The following STAG2 variants were observed in gnomAD, a reference collection of about 807,000 sequenced individuals.
STAG2 encodes the protein STAG2 cohesin complex component.
A neutral mutation model predicts 108.1 loss-of-function variants in STAG2; 14 were observed. The observed-to-expected ratio is 0.13, with a 90% CI of 0.09 to 0.20. The LOEUF (loss-of-function observed/expected upper bound fraction) is 0.20, where lower values mean the gene tolerates loss of function less well. Among genes scored for constraint, STAG2 ranks in the 10% least tolerant of loss-of-function variants. STAG2 has a pLI of 1.00. For synonymous variants in STAG2, 307 were observed against 302.7 expected, an observed-to-expected ratio of 1.01 and a Z score of -0.15; for missense variants, 440 against 940.9, an observed-to-expected ratio of 0.47 and a Z score of 6.96.
Position 124,061,768 on chromosome X carries a change from T to TTTTTGA in STAG2, c.1535-3_1535-2insTTTTGA. The TTTTTGA allele has an allele frequency of 1.1e-6, 1 of 895,483 alleles. No individual in the cohort carries two copies. Among genetic ancestry groups the TTTTTGA allele is most frequent in the Non-Finnish European group, 1.5e-6 (1 of 660,452 alleles). 73.8% of individuals were successfully genotyped at this position (895,483 alleles called of 1,213,427 possible). On this transcript the variant is annotated splice_polypyrimidine_tract_variant and splice_region_variant and intron_variant, in intron 16 of 34. Transcript: ENST00000371145. ...CTTTTTTTTTTTTTTTTTTTTTTTT[T>TTTTTGA]AGCACTAACAGATAGGCAAGAGAGT...
rs367825230 is a variant in STAG2, at chrX:124,047,319, A to T, written c.668-35A>T. Reference sequence around the variant, plus strand: ...AATTGTAAATTTTTGTGTCTGTTAGATTAGTTTCACCATACTTTTACTCTT... The same window carrying T: ...AATTGTAAATTTTTGTGTCTGTTAGTTTAGTTTCACCATACTTTTACTCTT... On this transcript the variant is annotated intron_variant, in intron 8 of 34. Coordinates refer to ENST00000371145, the MANE Select transcript of STAG2 (RefSeq NM_001042750.2). The T allele has an allele frequency of 9.8e-6, 11 of 1,120,639 alleles. No homozygotes were observed. The African/African-American group carries it at 1.9e-4, about 19-fold the overall frequency. The allele number at this position is 1,120,639 out of a possible 1,213,427, so 92.4% of individuals were successfully genotyped here.
At chrX:124,026,824 T>C (rs1055319130) in intron 4 of STAG2, 1 of 114,774 alleles carries the variant, frequency 8.7e-6, no homozygotes, top group Non-Finnish European at 1.9e-5. Flanking sequence ...AATGGTATGT[T>C]GTCAACAGCT....
chrX:123,993,877 A>G (rs2055600732), intron 1 of STAG2, among the ~76,000 whole-genome samples: 1 of 111,736 alleles, frequency 8.9e-6, no homozygotes, highest in Non-Finnish European at 1.9e-5. Flanking sequence ...GCTCTCATAT[A>G]GGTGGAATTT....
At chrX:123,971,707 A>G (rs1453170252) in intron 1 of STAG2, among the ~76,000 whole-genome samples, 2 of 111,947 alleles carry the variant, frequency 1.8e-5, no homozygotes, top group Non-Finnish European at 3.8e-5. Flanking sequence ...AAACTCTAAG[A>G]TAACGACATC....
At chrX:123,982,860 C>A (rs1357994887) in intron 1 of STAG2, among the ~76,000 whole-genome samples, 2 of 102,256 alleles carry the variant, frequency 2.0e-5, no homozygotes, top group Non-Finnish European at 3.9e-5. Context: ...AGCAATACTT[C>A]TATAAGTAGC....
rs1436980550 is a variant in STAG2, at chrX:124,030,989, C to T, written c.152C>T (p.Ala51Val). Residue 51 changes from alanine to valine, a missense_variant, in exon 5 of 35, where the codon GCA becomes GTA. Ala to Val is a moderately conservative substitution (Grantham distance 64, BLOSUM62 0). Transcript: ENST00000371145. Reference protein sequence around the residue: ...KTCKKGKKGPAEKGKGGNGGG... With the variant: ...KTCKKGKKGPVEKGKGGNGGG... ...TGTAAAAAAGGCAAAAAGGGCCCAG[C>T]AGAAAAGGGCAAAGGTGGAAATGGA... 8.3e-7 allele frequency: 1 copy of T among 1,201,874 alleles called. No homozygotes were observed.
intron 13 of STAG2, among the ~76,000 whole-genome samples, chrX:124,051,991 C>T (rs878878353): frequency 1.8e-5 from 2 of 111,945 alleles, no homozygotes; most frequent in Admixed American, 9.5e-5. Flanking sequence ...TTGAAATAAG[C>T]ACATCAGTGT....
chrX:124,081,641 C>A, intron 28 of STAG2, 113 bp downstream of exon 28: 1 of 578,785 alleles, frequency 1.7e-6, no homozygotes, highest in Non-Finnish European at 2.6e-6. Flanking sequence ...TTATTATTAG[C>A]TTATAAATCT....
intron 1 of STAG2, among the ~76,000 whole-genome samples, chrX:123,998,509 TTA>T (rs754920671): frequency 1.9e-5 from 2 of 105,665 alleles, no homozygotes; most frequent in South Asian, 8.6e-4. Context: ...TAAGGAACAG[TTA>T]TATCGTTTTC....
rs368911014 is a variant in STAG2, at chrX:123,993,891, A to G, written c.-162-27476A>G. On this transcript the variant is annotated intron_variant, in intron 1 of 34. Transcript: ENST00000371145. ...TGCTCTCATATAGGTGGAATTTTCC[A>G]TAATTTATTTATTAAACAACCACCT... 3.8e-4 allele frequency among the ~76,000 whole-genome samples: 43 copies of G among 111,805 alleles called. No individual in the cohort carries two copies. The East Asian group carries it at 5.3e-3, about 14-fold the overall frequency.
chrX:124,094,644 A>G (rs2059335105), intron 33 of STAG2, among the ~76,000 whole-genome samples: 1 of 111,419 alleles, frequency 9.0e-6, no homozygotes, highest in African/African-American at 3.3e-5. Context: ...GATCATATAC[A>G]AAATGGTTTT....
chrX:124,071,409 A>C, intron 25 of STAG2, 86 bp downstream of exon 25: 2 of 760,074 alleles, frequency 2.6e-6, no homozygotes, highest in Non-Finnish European at 3.7e-6. Flanking sequence ...GTGCACTAAA[A>C]TATATTTTAT....
chrX:124,074,994 T>A (rs1203834038), intron 25 of STAG2, among the ~76,000 whole-genome samples: 1 of 112,017 alleles, frequency 8.9e-6, no homozygotes, highest in Non-Finnish European at 1.9e-5. Flanking sequence ...CAAATAGTGT[T>A]GCATCTTGGG....
intron 9 of STAG2, among the ~76,000 whole-genome samples, chrX:124,048,067 T>C (rs1049119659): frequency 8.9e-6 from 1 of 112,172 alleles, no homozygotes; most frequent in East Asian, 2.8e-4. Flanking sequence ...AATATTTTGC[T>C]ATCTCATAAT....
chrX:124,001,232 A>G (rs1433017576), intron 1 of STAG2, among the ~76,000 whole-genome samples: 1 of 110,871 alleles, frequency 9.0e-6, no homozygotes, highest in Non-Finnish European at 1.9e-5. Context: ...CTGGGACTAC[A>G]GGCGCGTGCC....
At chrX:123,974,820 G>A (rs1423744821) in intron 1 of STAG2, among the ~76,000 whole-genome samples, 1 of 103,074 alleles carries the variant, frequency 9.7e-6, no homozygotes, top group Non-Finnish European at 2.0e-5. Context: ...GTAGTGATCC[G>A]CCCGCCTTGG....
At position 124,102,323 on chromosome X, in the gene STAG2, A is replaced by G. The variant is rs1603210249; in HGVS notation, c.*1726A>G. On this transcript the variant is annotated 3_prime_UTR_variant, in exon 35 of 35. Transcript: ENST00000371145. The stretch of plus-strand genomic sequence containing the variant: ...AGTTGATTTTTTTTCTCACTCTTGA[A>G]AGGAGTACTTCTTTGTGAAAGCAGT... 2.5e-5 allele frequency: 4 copies of G among 159,405 alleles called. No homozygotes were observed. The East Asian group carries it at 3.8e-4, about 15-fold the overall frequency. 13.1% of individuals were successfully genotyped at this position (159,405 alleles called of 1,213,427 possible). A position where few individuals can be genotyped will look rare whatever the true frequency, so the allele number is the denominator to read the frequency against.
chrX:123,983,722 G>A (rs1352976163), intron 1 of STAG2, among the ~76,000 whole-genome samples: 1 of 110,174 alleles, frequency 9.1e-6, no homozygotes, highest in Non-Finnish European at 1.9e-5. Context: ...TAGGAAGTCC[G>A]CAGTATTCTC....
intron 1 of STAG2, among the ~76,000 whole-genome samples, chrX:124,001,408 C>T (rs1434791056): frequency 9.0e-6 from 1 of 111,294 alleles, no homozygotes; most frequent in Non-Finnish European, 1.9e-5. Context: ...TAAAAAAATA[C>T]ATTCAGTGTC....
Sources: gnomAD v4.1 joint callset for allele counts (sites outside exome capture counted in the v4.1 genomes callset) on GRCh38, gnomAD v4.1.1 for gene constraint, MANE v1.5 for transcripts, NCBI Gene and HGNC (gene_info 2026-07-23, HGNC 2026-07-21) for gene names.